The following PSTPIP1 variants were observed in gnomAD, a reference collection of about 807,000 sequenced individuals.
The protein encoded by PSTPIP1 is proline-serine-threonine phosphatase interacting protein 1.
PSTPIP1 carries 66 observed loss-of-function variants against 69.6 expected under a neutral mutation model. The observed-to-expected ratio is 0.95, with a 90% CI of 0.78 to 1.16. The LOEUF (loss-of-function observed/expected upper bound fraction) is 1.16. Ranked by LOEUF, PSTPIP1 falls within the 50% of genes most tolerant of loss-of-function variation. The pLI is 0.00. For synonymous variants in PSTPIP1, 266 were observed against 222.7 expected (o/e 1.19, Z -1.73); for missense variants, 603 against 557.4 (o/e 1.08, Z -0.82).
chr15:77,018,301 G>T, intron 2 of PSTPIP1, 53 bp downstream of exon 2: 1 of 1,544,990 alleles, frequency 6.5e-7, no homozygotes, highest in Non-Finnish European at 8.8e-7. Flanking sequence ...GGTGGCTTCC[G>T]CTCGGCTCCT....
At chr15:77,013,118 A>G (rs1407002795) in intron 1 of PSTPIP1, among the ~76,000 whole-genome samples, 1 of 152,186 alleles carries the variant, frequency 6.6e-6, no homozygotes, top group African/African-American at 2.4e-5. Flanking sequence ...TGCTGGTGTG[A>G]GGGAGGAGAG....
At position 77,032,885 on chromosome 15, in the gene PSTPIP1, T is replaced by C. The variant is rs1480634372; in HGVS notation, c.862T>C (p.Tyr288His). Residue 288 changes from tyrosine to histidine, a missense_variant, in exon 12 of 15, where the codon TAC becomes CAC. By Grantham distance (83) the Tyr-to-His change is moderately conservative (BLOSUM62 2). Transcript: ENST00000558012. ...AGCTCCGGTGCCCTACCAGAACTATTACGATCGGGAGGTCACCCCGCTGAC... is the reference window on the plus strand; with the variant it reads ...AGCTCCGGTGCCCTACCAGAACTATCACGATCGGGAGGTCACCCCGCTGAC... ...PPAPVPYQNY[Y>H]DREVTPLTSS... The C allele has an allele frequency of 6.3e-7, 1 of 1,599,308 alleles. No individual in the cohort carries two copies. Among genetic ancestry groups the C allele is most frequent in the Non-Finnish European group, 8.5e-7 (1 of 1,173,420 alleles).
intron 1 of PSTPIP1, chr15:77,015,993 A>G: frequency 2.2e-6 from 1 of 456,258 alleles, no homozygotes; most frequent in South Asian, 1.5e-5. Flanking sequence ...CCGAATGGCC[A>G]GCGTAGGTTC....
chr15:77,021,533 G>A (rs2076161794), intron 3 of PSTPIP1, among the ~76,000 whole-genome samples: 1 of 152,148 alleles, frequency 6.6e-6, no homozygotes. Flanking sequence ...ATAAAAATTA[G>A]TTGGGCATGG....
At chr15:77,030,917 C>T (rs1596122136) in intron 9 of PSTPIP1, among the ~76,000 whole-genome samples, 1 of 152,250 alleles carries the variant, frequency 6.6e-6, no homozygotes, top group Non-Finnish European at 1.5e-5. Flanking sequence ...TCCGAGGTCC[C>T]TCTCACTACC....
chr15:77,024,264 C>T (rs2076224930), intron 3 of PSTPIP1: 1 of 152,246 alleles, frequency 6.6e-6, no homozygotes, highest in South Asian at 2.1e-4. Flanking sequence ...CTTTGGGATC[C>T]ACGAGTTTAG....
In PSTPIP1 at chr15:77,006,853, A is replaced by G. The variant is rs184286558; in HGVS notation, c.36+11244A>G. ...ACTACTTCAATTACTGTAGCTTTGTAGTAAGCTTTGAAATCAAGAAGTGTG... is the reference window on the plus strand; with the variant it reads ...ACTACTTCAATTACTGTAGCTTTGTGGTAAGCTTTGAAATCAAGAAGTGTG... On this transcript the variant is annotated intron_variant, in intron 1 of 14. Coordinates refer to ENST00000558012, the MANE Select transcript of PSTPIP1 (RefSeq NM_003978.5). Among the ~76,000 whole-genome samples the G allele has an allele frequency of 2.9e-3, 440 of 152,310 alleles. 1 individual carries two copies. Among genetic ancestry groups the G allele is most frequent in the Non-Finnish European group, 3.7e-3 (254 of 68,032 alleles).
intron 13 of PSTPIP1, 107 bp from the exon 14 acceptor site, chr15:77,035,692 ACAG>A (rs2076546266): frequency 6.8e-7 from 1 of 1,479,456 alleles, no homozygotes; most frequent in African/African-American, 1.4e-5. Flanking sequence ...GCAAGTGTGG[ACAG>A]CAGAAGGAAG....
chr15:77,018,408 C>T, intron 2 of PSTPIP1, 49 bp from the exon 3 acceptor site: 1 of 1,551,722 alleles, frequency 6.4e-7, no homozygotes, highest in Non-Finnish European at 8.7e-7. Flanking sequence ...GGGCCTCCCC[C>T]AGAGGTGGCA....
At chr15:77,033,434 GGCCCT>G (rs1198159580) in intron 12 of PSTPIP1, among the ~76,000 whole-genome samples, 1 of 152,184 alleles carries the variant, frequency 6.6e-6, no homozygotes, top group African/African-American at 2.4e-5. Flanking sequence ...CTAAGGCCAG[GGCCCT>G]GAGTGTTGGG....
In PSTPIP1 at chr15:77,037,305, A is replaced by G; in HGVS notation, c.*129A>G. ...CCCGAGAGGGAGCCTGTCGTCTCCC[A>G]GGGAATAAAGGAGTGCGTTCTGTTC... is the stretch of plus-strand genomic sequence containing the variant. On this transcript the variant is annotated 3_prime_UTR_variant, in exon 15 of 15. Transcript: ENST00000558012. The G allele has an allele frequency of 8.0e-7, 1 of 1,245,780 alleles. No homozygotes were observed. 77.2% of individuals were successfully genotyped at this position (1,245,780 alleles called of 1,614,324 possible). A position where few individuals can be genotyped will look rare whatever the true frequency, so the allele number is the denominator to read the frequency against.
chr15:77,035,461 C>G, intron 12 of PSTPIP1, 47 bp from the exon 13 acceptor site: 4 of 1,543,426 alleles, frequency 2.6e-6, no homozygotes, highest in Non-Finnish European at 2.6e-6. Context: ...TGGTGGGTCC[C>G]TGAGTGTGGG....
chr15:77,032,407 T>C lies in PSTPIP1; in HGVS notation c.838+13T>C. 5 of 1,612,272 alleles carry C rather than the reference T, an allele frequency of 3.1e-6. No individual in the cohort carries two copies. Among genetic ancestry groups the C allele is most frequent in the Non-Finnish European group, 4.2e-6 (5 of 1,179,530 alleles). ...ACAGAGCCCCCCGGTGAGGTCCGGC[T>C]TGCGGACAGCGCAGCCTCTAGGTGC... On this transcript the variant is annotated intron_variant, in intron 11 of 14. Transcript: ENST00000558012.
Position 77,029,542 on chromosome 15 carries a change from C to T in PSTPIP1, c.530C>T (p.Ala177Val), listed in dbSNP as rs1404858462. Residue 177 changes from alanine to valine, a missense_variant, in exon 8 of 15, where the codon GCC becomes GTC. By Grantham distance (64) the Ala-to-Val change is moderately conservative. Transcript: ENST00000558012. ...CTGTTTCCTCAGAGTCAGAACAAAG[C>T]CAGGCAGTGCAAGGACTCGGCCACC... ...QKQVEKSQNK[A>V]RQCKDSATEA... The T allele has an allele frequency of 6.3e-7, 1 of 1,583,292 alleles. No individual in the cohort carries two copies. Among genetic ancestry groups the T allele is most frequent in the African/African-American group, 1.3e-5 (1 of 74,286 alleles).
chr15:77,035,582 G>T lies in PSTPIP1; in HGVS notation c.985+19G>T, dbSNP rs192912170. On this transcript the variant is annotated intron_variant, in intron 13 of 14. Coordinates refer to ENST00000558012, the MANE Select transcript of PSTPIP1 (RefSeq NM_003978.5). ...TCTGCTGGTAAAGGGGGTCAGGAGG[G>T]GACCCCCAAACACACTGATCCTGGG... 4,276 of 1,567,446 alleles carry T rather than the reference G, an allele frequency of 2.7e-3. 5 individuals carry two copies. The highest frequency in any genetic ancestry group is 3.5e-3 in the Non-Finnish European group (4,007 of 1,156,612).
intron 3 of PSTPIP1, among the ~76,000 whole-genome samples, chr15:77,019,778 G>C (rs1206394258): frequency 1.3e-5 from 2 of 152,222 alleles, no homozygotes; most frequent in Non-Finnish European, 2.9e-5. Flanking sequence ...GCACAGAGGA[G>C]GGCTCAGGAC....
intron 1 of PSTPIP1, among the ~76,000 whole-genome samples, chr15:77,015,282 G>T: frequency 6.6e-6 from 1 of 152,204 alleles, no homozygotes. Context: ...TGGCTTTGGG[G>T]ACAGGTTGAC....
At chr15:77,009,184 GC>G (rs1357382022) in intron 1 of PSTPIP1, among the ~76,000 whole-genome samples, 1 of 152,208 alleles carries the variant, frequency 6.6e-6, no homozygotes, top group East Asian at 1.9e-4. Context: ...AGTCCAACTA[GC>G]CCCCCAGGCA....
At chr15:77,013,791 C>T (rs1321091122) in intron 1 of PSTPIP1, among the ~76,000 whole-genome samples, 1 of 152,194 alleles carries the variant, frequency 6.6e-6, no homozygotes. Context: ...GGACCAAAAC[C>T]CAGGTGTCCC....
Sources: allele counts gnomAD v4.1 joint callset (sites outside exome capture counted in the v4.1 genomes callset), GRCh38; gene constraint gnomAD v4.1.1; transcripts MANE v1.5; gene names NCBI Gene and HGNC (gene_info 2026-07-23, HGNC 2026-07-21).